ABLIM2: variants seen among roughly 807,000 people sequenced by gnomAD.
ABLIM2 encodes actin binding LIM protein family member 2.
A neutral mutation model predicts 97.7 loss-of-function variants in ABLIM2; 53 were observed. The ratio of observed to expected loss-of-function variants is 0.54; its 90% confidence interval spans 0.44 to 0.68. The LOEUF (loss-of-function observed/expected upper bound fraction) is 0.68, where lower values mean the gene tolerates loss of function less well. Among genes scored for constraint, ABLIM2 ranks in the 30% least tolerant of loss-of-function variants. The pLI is 0.00. For missense variants in ABLIM2, 835 were observed against 867.2 expected (o/e 0.96, Z 0.47); for synonymous variants, 361 against 345.8 (o/e 1.04, Z -0.49).
intron 6 of ABLIM2, among the ~76,000 whole-genome samples, chr4:8,074,952 A>G (rs1215778695): frequency 6.6e-6 from 1 of 151,890 alleles, no homozygotes; most frequent in Non-Finnish European, 1.5e-5. Flanking sequence ...TGCCCAGCTA[A>G]TTTTTGTAGT....
intron 1 of ABLIM2, among the ~76,000 whole-genome samples, chr4:8,152,674 C>T (rs1248985293): frequency 6.6e-6 from 1 of 152,230 alleles, no homozygotes; most frequent in East Asian, 1.9e-4. Flanking sequence ...CCGCGTCCAT[C>T]ATGCGGGGAT....
intron 2 of ABLIM2, among the ~76,000 whole-genome samples, chr4:8,101,397 C>T (rs940258530): frequency 1.3e-5 from 2 of 152,226 alleles, no homozygotes; most frequent in Non-Finnish European, 2.9e-5. Flanking sequence ...GGCCAAGGCC[C>T]ACCTGTCTAG....
rs1824673291 is a variant in ABLIM2, at chr4:8,087,759, G to T, written c.454+410C>A. 2.0e-5 allele frequency among the ~76,000 whole-genome samples: 3 copies of T among 152,082 alleles called. No homozygotes were observed. The South Asian group carries it at 6.2e-4, about 32-fold the overall frequency. On this transcript the variant is annotated intron_variant, in intron 4 of 20. Transcript: ENST00000447017. This position sits in a 1 kb window ranked among gnomAD's most constrained non-coding sequence, Gnocchi z 4.6. The stretch of plus-strand genomic sequence containing the variant: ...GGGAAAGCAGCAGTGGGCATTAGAT[G>T]GGAAAGCAGCAGTGGGCATTAGATG...
chr4:7,976,676 CACACAT>C (rs1211124393), intron 20 of ABLIM2, among the ~76,000 whole-genome samples: 19 of 150,662 alleles, frequency 1.3e-4, no homozygotes, highest in African/African-American at 4.5e-4. Flanking sequence ...CATGCACACA[CACACAT>C]GTGCATGCAC....
chr4:7,976,732 C>T (rs1182791701), intron 20 of ABLIM2, among the ~76,000 whole-genome samples: 1 of 152,074 alleles, frequency 6.6e-6, no homozygotes, highest in East Asian at 1.9e-4. Context: ...CATACACACA[C>T]ATACACATAT....
chr4:8,000,923 G>A (rs552284220), intron 16 of ABLIM2, among the ~76,000 whole-genome samples: 4 of 152,318 alleles, frequency 2.6e-5, no homozygotes, highest in South Asian at 2.1e-4. Flanking sequence ...AGTCACCGCT[G>A]GACATTCAAG....
At chr4:8,084,437 G>A (rs1821978771) in intron 4 of ABLIM2, among the ~76,000 whole-genome samples, 1 of 152,182 alleles carries the variant, frequency 6.6e-6, no homozygotes, top group African/African-American at 2.4e-5. Flanking sequence ...GGGGGCGGGG[G>A]CTCTGGTTTG....
intron 1 of ABLIM2, among the ~76,000 whole-genome samples, chr4:8,121,345 C>T (rs932594298): frequency 6.6e-6 from 1 of 152,232 alleles, no homozygotes; most frequent in Non-Finnish European, 1.5e-5. Context: ...CAGCCCAGCT[C>T]CTGCTGCTTC....
chr4:8,045,662 G>A (rs1339421238), intron 8 of ABLIM2, among the ~76,000 whole-genome samples: 7 of 151,992 alleles, frequency 4.6e-5, no homozygotes, highest in African/African-American at 7.2e-5. Context: ...ATGAATGAAT[G>A]AATAAATAAA....
At chr4:7,968,711 T>C (rs1306766140) in intron 20 of ABLIM2, among the ~76,000 whole-genome samples, 4 of 152,134 alleles carry the variant, frequency 2.6e-5, no homozygotes, top group Non-Finnish European at 2.9e-5. Context: ...TTAACGGATA[T>C]GGGGTTTCCT....
At chr4:8,134,905 T>A (rs1849965635) in intron 1 of ABLIM2, among the ~76,000 whole-genome samples, 1 of 152,242 alleles carries the variant, frequency 6.6e-6, no homozygotes, top group Non-Finnish European at 1.5e-5. Flanking sequence ...GTGTGAGAAT[T>A]TTCATCTCCA....
At position 8,005,379 on chromosome 4, in the gene ABLIM2, G is replaced by A. The variant is rs1207720318; in HGVS notation, c.1618+2680C>T. ...CAGACATTTATTGAGTGCCCACTGT[G>A]TTGGGTGTCACAATCCTACCTTCCT... On this transcript the variant is annotated intron_variant, in intron 16 of 20. Transcript: ENST00000447017. The surrounding 1 kb of genome is among the most constrained non-coding windows in gnomAD (Gnocchi z 4.9). 1 of 533,782 alleles carries A rather than the reference G, an allele frequency of 1.9e-6. No homozygotes were observed. 33.1% of individuals were successfully genotyped at this position (533,782 alleles called of 1,614,324 possible).
At chr4:8,036,638 C>G (rs957231466) in intron 9 of ABLIM2, among the ~76,000 whole-genome samples, 6 of 152,192 alleles carry the variant, frequency 3.9e-5, no homozygotes, top group African/African-American at 1.2e-4. Flanking sequence ...CACAAAAGAG[C>G]CAGTAGGCCT....
chr4:8,125,600 G>A lies in ABLIM2; in HGVS notation c.11-18963C>T, dbSNP rs960278673. On this transcript the variant is annotated intron_variant, in intron 1 of 20. Coordinates refer to ENST00000447017, the MANE Select transcript of ABLIM2 (RefSeq NM_001130083.2). The surrounding 1 kb of genome is among the most constrained non-coding windows in gnomAD (Gnocchi z 6.2). ...CAGGTTTGCATGGGGCCTCGGTGCC[G>A]GGGCTGCTTCTGGGATGGTCGTGGT... Among the ~76,000 whole-genome samples the A allele has an allele frequency of 2.0e-5, 3 of 152,064 alleles. No individual in the cohort carries two copies. The highest frequency in any genetic ancestry group is 4.4e-5 in the Non-Finnish European group (3 of 68,008).
Position 8,071,693 on chromosome 4 carries a change from A to ACCCCCCCCCCCCCCC in ABLIM2, c.675+5934_675+5935insGGGGGGGGGGGGGGG. 1.2e-6 allele frequency: 1 copy of ACCCCCCCCCCCCCCC among 819,828 alleles called. No homozygotes were observed. The highest frequency in any genetic ancestry group is 1.5e-6 in the Non-Finnish European group (1 of 679,290). The allele number at this position is 819,828 out of a possible 1,614,324, so 50.8% of individuals were successfully genotyped here. The stretch of plus-strand genomic sequence containing the variant: ...ACACCTGACTGCTCTGTCCCCAAAA[A>ACCCCCCCCCCCCCCC]CCCACCCACCCGCAGCCCCTCCTGG... On this transcript the variant is annotated intron_variant, in intron 6 of 20. Coordinates refer to ENST00000447017, the MANE Select transcript of ABLIM2 (RefSeq NM_001130083.2). The surrounding 1 kb of genome is among the most constrained non-coding windows in gnomAD (Gnocchi z 6.2).
intron 1 of ABLIM2, among the ~76,000 whole-genome samples, chr4:8,137,718 C>A (rs952824291): frequency 6.6e-6 from 1 of 152,236 alleles, no homozygotes; most frequent in Non-Finnish European, 1.5e-5. Flanking sequence ...ATGCCCCCAC[C>A]AAGTGTCAAA....
chr4:7,966,253 T>C lies in ABLIM2; in HGVS notation c.*737A>G, dbSNP rs1577402581. The C allele has an allele frequency of 6.6e-6, 1 of 152,646 alleles. No individual in the cohort carries two copies. The highest frequency in any genetic ancestry group is 6.5e-5 in the Admixed American group (1 of 15,288). The allele number at this position is 152,646 out of a possible 1,614,324, so 9.5% of individuals were successfully genotyped here. A position where few individuals can be genotyped will look rare whatever the true frequency, so the allele number is the denominator to read the frequency against. On this transcript the variant is annotated 3_prime_UTR_variant, in exon 21 of 21. Coordinates refer to ENST00000447017, the MANE Select transcript of ABLIM2 (RefSeq NM_001130083.2). ...AGGCCGCTCCCCTGCGGAGGGACCGTAAAATTAAACTCTATATATGTCATC... is the reference window on the plus strand; with the variant it reads ...AGGCCGCTCCCCTGCGGAGGGACCGCAAAATTAAACTCTATATATGTCATC...
chr4:8,112,510 G>A lies in ABLIM2; in HGVS notation c.11-5873C>T, dbSNP rs1429535595. 2.0e-5 allele frequency among the ~76,000 whole-genome samples: 3 copies of A among 152,324 alleles called. No homozygotes were observed. In the East Asian group the frequency reaches 5.8e-4, roughly 29 times the overall value. ...TCTCCAAGGCTCAGAGACCAGACTT[G>A]CAGGCCGCAGGATGGAGGGGTCAGA... On this transcript the variant is annotated intron_variant, in intron 1 of 20. Transcript: ENST00000447017. This position sits in a 1 kb window ranked among gnomAD's most constrained non-coding sequence, Gnocchi z 4.2.
chr4:8,030,783 A>T (rs141922082), intron 10 of ABLIM2, among the ~76,000 whole-genome samples: 1 of 152,152 alleles, frequency 6.6e-6, no homozygotes, highest in Non-Finnish European at 1.5e-5. Context: ...TTCAGCTTGG[A>T]CTCAGGGCTT....
Sources: gnomAD v4.1 joint callset for allele counts (sites outside exome capture counted in the v4.1 genomes callset) on GRCh38, gnomAD v4.1.1 for gene constraint, Gnocchi (gnomAD v3.1) non-coding constraint, MANE v1.5 for transcripts, NCBI Gene and HGNC (gene_info 2026-07-23, HGNC 2026-07-21) for gene names.